The following L3HYPDH variants were observed in gnomAD, a reference collection of about 807,000 sequenced individuals.
The protein encoded by L3HYPDH is trans-L-3-hydroxyproline dehydratase.
In L3HYPDH, 32 loss-of-function variants were observed where a neutral mutation model predicts 26.5. The ratio of observed to expected loss-of-function variants is 1.21; its 90% confidence interval spans 0.91 to 1.62. L3HYPDH has a LOEUF of 1.62. Ranked by LOEUF, L3HYPDH falls within the 40% of genes most tolerant of loss-of-function variation. The pLI is 0.00. For missense variants in L3HYPDH, 554 were observed against 476.4 expected (o/e 1.16, Z -1.52); for synonymous variants, 215 against 196.6 (o/e 1.09, Z -0.78).
At chr14:59,485,564 A>G (rs892288507), upstream of L3HYPDH, 1 of 155,076 alleles carries the variant, frequency 6.4e-6, no homozygotes, top group Non-Finnish European at 1.4e-5. Context: ...AATTTGGGAA[A>G]TGATTGTTCA....
chr14:59,470,328 G>A (rs1020742122), downstream of L3HYPDH, among the ~76,000 whole-genome samples: 3 of 152,186 alleles, frequency 2.0e-5, no homozygotes, highest in African/African-American at 7.2e-5. Flanking sequence ...TGATGAATGA[G>A]AATCTAAGAT....
At chr14:59,486,955 CT>C (rs773849523), upstream of L3HYPDH, among the ~76,000 whole-genome samples, 1 of 152,174 alleles carries the variant, frequency 6.6e-6, no homozygotes, top group Non-Finnish European at 1.5e-5. Context: ...AATCCCAGCA[CT>C]TTGGGAAGCC....
At position 59,479,328 on chromosome 14, in the gene L3HYPDH, G is replaced by A. The variant is rs1889854754; in HGVS notation, c.532C>T (p.His178Tyr). Residue 178 changes from histidine (H) to tyrosine (Y), a missense_variant, in exon 2 of 5, where the codon CAT becomes TAT. His to Tyr is a moderately conservative substitution (Grantham distance 83). Coordinates refer to ENST00000247194, the MANE Select transcript of L3HYPDH (RefSeq NM_144581.2). ...ATDLMVDVPG[H>Y]GKVMVDIAYG... The stretch of plus-strand genomic sequence containing the variant: ...GCAATGTCCACCATCACCTTTCCAT[G>A]TCCAGGAACATCCACCATGAGATCT... The A allele has an allele frequency of 1.9e-6, 3 of 1,611,848 alleles. No individual in the cohort carries two copies. The highest frequency in any genetic ancestry group is 2.5e-6 in the Non-Finnish European group (3 of 1,179,558).
At chr14:59,473,139 A>C in intron 4 of L3HYPDH, 49 bp from the exon 5 acceptor site, 1 of 1,522,432 alleles carries the variant, frequency 6.6e-7, no homozygotes, top group South Asian at 1.3e-5. Context: ...CACTCGTATT[A>C]TATCTGGCTT....
intron 2 of L3HYPDH, among the ~76,000 whole-genome samples, chr14:59,476,676 T>C (rs553910407): frequency 2.6e-4 from 40 of 152,264 alleles, no homozygotes; most frequent in Admixed American, 2.0e-3. Context: ...ACACCAATGA[T>C]AGAGACAAAG....
chr14:59,500,258 T>C, the L3HYPDH span, among the ~76,000 whole-genome samples: 1 of 152,194 alleles, frequency 6.6e-6, no homozygotes, highest in Non-Finnish European at 1.5e-5. Flanking sequence ...ATCAGGCCTG[T>C]ATAGATAATT....
At chr14:59,504,307 T>C in the L3HYPDH span, 86 of 485,810 alleles carry the variant, frequency 1.8e-4, 1 homozygote, top group East Asian at 2.8e-3. Context: ...GGAAGGCCGC[T>C]AGGAAGCCCT....
At chr14:59,480,746 CAA>C (rs1286946485) in intron 1 of L3HYPDH, among the ~76,000 whole-genome samples, 3 of 152,148 alleles carry the variant, frequency 2.0e-5, no homozygotes, top group Non-Finnish European at 2.9e-5. Flanking sequence ...AGTTTATAAT[CAA>C]AAGAGTAAAA....
the L3HYPDH span, chr14:59,503,871 G>A: frequency 3.8e-5 from 61 of 1,609,374 alleles, no homozygotes; most frequent in South Asian, 4.3e-4. Context: ...ATGATCTTCT[G>A]GTCAGAAAGA....
At chr14:59,504,607 A>C in the L3HYPDH span, 1 of 152,816 alleles carries the variant, frequency 6.5e-6, no homozygotes, top group Non-Finnish European at 1.5e-5. Context: ...AAAAATAGAT[A>C]ATAATTTATA....
At chr14:59,489,570 A>ACTTT in the L3HYPDH span, among the ~76,000 whole-genome samples, 20 of 152,108 alleles carry the variant, frequency 1.3e-4, 2 homozygotes, top group Admixed American at 8.5e-4. Context: ...ACCTCCAAAC[A>ACTTT]CTTTCAGCCT....
At chr14:59,501,066 G>C in the L3HYPDH span, 1 of 625,404 alleles carries the variant, frequency 1.6e-6, no homozygotes, top group African/African-American at 1.9e-5. Flanking sequence ...ACCTTAGGTT[G>C]TAAGTCTCAC....
downstream of L3HYPDH, among the ~76,000 whole-genome samples, chr14:59,468,071 C>A (rs1488798469): frequency 2.6e-5 from 4 of 151,346 alleles, no homozygotes; most frequent in African/African-American, 9.8e-5. Context: ...TAAAAAAATT[C>A]TTCATGCCAC....
At chr14:59,483,155 C>CA (rs1382934180) in intron 1 of L3HYPDH, among the ~76,000 whole-genome samples, 8 of 151,940 alleles carry the variant, frequency 5.3e-5, no homozygotes, top group Non-Finnish European at 1.2e-4. Context: ...TTAATCCTAA[C>CA]AAAAAAACTC....
intron 4 of L3HYPDH, among the ~76,000 whole-genome samples, chr14:59,473,484 T>C (rs1310898618): frequency 6.6e-6 from 1 of 152,134 alleles, no homozygotes; most frequent in Non-Finnish European, 1.5e-5. Context: ...TAGCAATAAG[T>C]TAATTATAAC....
At chr14:59,484,739 C>T, upstream of L3HYPDH, 1 of 1,087,926 alleles carries the variant, frequency 9.2e-7, no homozygotes, top group East Asian at 2.6e-5. Context: ...TCGGGCCGGG[C>T]TCCGCACTCC....
In L3HYPDH at chr14:59,474,688, A is replaced by C. The variant is rs746611341; in HGVS notation, c.939+1181T>G. 2 of 564,230 alleles carry C rather than the reference A, an allele frequency of 3.5e-6. 1 individual carries two copies. Among genetic ancestry groups the C allele is most frequent in the Non-Finnish European group, 6.2e-6 (2 of 320,636 alleles). 35.0% of individuals were successfully genotyped at this position (564,230 alleles called of 1,614,324 possible). The stretch of plus-strand genomic sequence containing the variant: ...CCTAACTTCTCCAATTCTCCGTTTT[A>C]TCATCTATTGAAAAACGATAATAAC... On this transcript the variant is annotated intron_variant, in intron 4 of 4. Coordinates refer to ENST00000247194, the MANE Select transcript of L3HYPDH (RefSeq NM_144581.2).
At chr14:59,502,759 T>G in the L3HYPDH span, among the ~76,000 whole-genome samples, 5 of 131,036 alleles carry the variant, frequency 3.8e-5, no homozygotes, top group African/African-American at 5.8e-5. Flanking sequence ...GATTTTTTTT[T>G]TTTTTTTTTT....
chr14:59,504,156 C>T, the L3HYPDH span: 2 of 769,668 alleles, frequency 2.6e-6, no homozygotes, highest in Non-Finnish European at 2.2e-6. Flanking sequence ...GAGAACTATT[C>T]TATCATATAT....
Sources: gnomAD v4.1 joint callset for allele counts (sites outside exome capture counted in the v4.1 genomes callset) on GRCh38, gnomAD v4.1.1 for gene constraint, MANE v1.5 for transcripts, NCBI Gene and HGNC (gene_info 2026-07-23, HGNC 2026-07-21) for gene names.